Variants in FBXL22 observed in about 807,000 individuals in gnomAD.
The protein encoded by FBXL22 is F-box and leucine-rich protein 22.
A neutral mutation model predicts 11.7 loss-of-function variants in FBXL22; 13 were observed. That is an observed-to-expected ratio of 1.11 (90% CI 0.73 to 1.77). The LOEUF (loss-of-function observed/expected upper bound fraction) is 1.77, where lower values mean the gene tolerates loss of function less well. Among genes scored for constraint, FBXL22 ranks in the 40% most tolerant of loss-of-function variants. The pLI is 0.00. For missense variants in FBXL22, 406 were observed against 320.4 expected (o/e 1.27, Z -2.04); for synonymous variants, 160 against 144.1 (o/e 1.11, Z -0.79).
downstream of FBXL22, chr15:63,601,669 G>T: frequency 1.2e-6 from 2 of 1,608,072 alleles, no homozygotes; most frequent in Non-Finnish European, 1.7e-6. Context: ...TCCTGGGGCG[G>T]ATGCGTTCCC....
Position 63,601,208 on chromosome 15 carries a change from AT to A in FBXL22, c.*170del, listed in dbSNP as rs2152688866. 11 of 1,490,944 alleles carry A rather than the reference AT, an allele frequency of 7.4e-6. No individual in the cohort carries two copies. In the South Asian group the frequency reaches 8.0e-5, roughly 11 times the overall value. The allele number at this position is 1,490,944 out of a possible 1,614,324, so 92.4% of individuals were successfully genotyped here. ...CTCACGTTACGATTTTATACATAGG[AT>A]AAACGCAAGATTAAATGGATATTTG... On this transcript the variant is annotated 3_prime_UTR_variant, in exon 2 of 2. Coordinates refer to ENST00000638704, the MANE Select transcript of FBXL22 (RefSeq NM_001367807.1).
rs1334855891 is a variant in FBXL22 at position 63,597,900 on chromosome 15, G to A, written c.353+155G>A. The stretch of plus-strand genomic sequence containing the variant: ...AGACATCCAGACCGCCCAAAGCAGG[G>A]TCCCCAGGAGACAATAAAATCATGA... On this transcript the variant is annotated intron_variant, in intron 1 of 1. Transcript: ENST00000638704. The surrounding 1 kb of genome is among the most constrained non-coding windows in gnomAD (Gnocchi z 4.3). 6.6e-6 allele frequency among the ~76,000 whole-genome samples: 1 copy of A among 152,184 alleles called. No individual in the cohort carries two copies. Among genetic ancestry groups the A allele is most frequent in the African/African-American group, 2.4e-5 (1 of 41,458 alleles).
downstream of FBXL22, chr15:63,602,377 T>C (rs1356218786): frequency 1.3e-5 from 2 of 151,548 alleles, no homozygotes; most frequent in African/African-American, 2.4e-5. Context: ...GGTCAGGAGA[T>C]CGAGACCATC....
rs935872685 is a variant in FBXL22 at position 63,597,868 on chromosome 15, C to T, written c.353+123C>T. ...ACCTTCGGGGCGCCTCAAACTAGGC[C>T]CAAGGCAGACATCCAGACCGCCCAA... On this transcript the variant is annotated intron_variant, in intron 1 of 1. Transcript: ENST00000638704. This position sits in a 1 kb window ranked among gnomAD's most constrained non-coding sequence, Gnocchi z 4.3. The T allele has an allele frequency of 1.0e-5, 9 of 876,702 alleles. No homozygotes were observed. The highest frequency in any genetic ancestry group is 8.4e-5 in the African/African-American group (5 of 59,182). 54.3% of individuals were successfully genotyped at this position (876,702 alleles called of 1,614,324 possible).
At chr15:63,599,195 A>G in intron 1 of FBXL22, 2 of 1,535,478 alleles carry the variant, frequency 1.3e-6, no homozygotes, top group South Asian at 1.2e-5. Flanking sequence ...GGCACATAGT[A>G]GGTACTGATG....
chr15:63,598,436 G>A (rs2067308125), intron 1 of FBXL22, among the ~76,000 whole-genome samples: 1 of 152,164 alleles, frequency 6.6e-6, no homozygotes, highest in Non-Finnish European at 1.5e-5. Context: ...TACATCTTGT[G>A]TTTATCTGCT....
chr15:63,600,293 G>C (rs2067346206), intron 1 of FBXL22: 1 of 1,006,150 alleles, frequency 9.9e-7, no homozygotes, highest in Non-Finnish European at 1.2e-6. Context: ...GCCTCAGCTT[G>C]AAGCTAGACT....
At chr15:63,601,772 A>G, downstream of FBXL22, 1 of 1,422,342 alleles carries the variant, frequency 7.0e-7, no homozygotes, top group Non-Finnish European at 9.2e-7. Context: ...TACTGTTCTC[A>G]TAAGGGAAAA....
downstream of FBXL22, among the ~76,000 whole-genome samples, chr15:63,605,191 G>A (rs945376499): frequency 6.6e-6 from 1 of 152,234 alleles, no homozygotes; most frequent in African/African-American, 2.4e-5. Context: ...TATTGGCCAT[G>A]GGCTGGGCCA....
downstream of FBXL22, among the ~76,000 whole-genome samples, chr15:63,606,575 C>G (rs1566931929): frequency 1.3e-5 from 2 of 152,076 alleles, no homozygotes; most frequent in African/African-American, 4.8e-5. Flanking sequence ...CAAGAGAGGC[C>G]GGGCACAGTG....
chr15:63,600,813 C>T lies in FBXL22; in HGVS notation c.470C>T (p.Ala157Val). The T allele has an allele frequency of 8.1e-7, 1 of 1,230,932 alleles. No homozygotes were observed. The highest frequency in any genetic ancestry group is 1.0e-6 in the Non-Finnish European group (1 of 987,412). 76.3% of individuals were successfully genotyped at this position (1,230,932 alleles called of 1,614,324 possible). Residue 157 changes from alanine to valine, a missense_variant, in exon 2 of 2, where the codon GCG (alanine) becomes GTG (valine). Physicochemically the swap from Ala to Val is moderately conservative, Grantham distance 64 (BLOSUM62 0). Coordinates refer to ENST00000638704, the MANE Select transcript of FBXL22 (RefSeq NM_001367807.1). ...CGCGCACTGCGCCTGGAGAACTGCG[C>T]GCGCGTCACCAACCGCACGTTGGCT... Reference protein sequence around the residue: ...RLRALRLENCARVTNRTLAAV... With the variant: ...RLRALRLENCVRVTNRTLAAV...
rs552796236 is a variant in FBXL22 at position 63,601,009 on chromosome 15, C to A, written c.666C>A (p.Ala222=). The A allele has an allele frequency of 1.1e-4, 132 of 1,199,606 alleles. 1 individual carries two copies. The African/African-American group carries it at 1.8e-3, about 16-fold the overall frequency. The allele number at this position is 1,199,606 out of a possible 1,614,324, so 74.3% of individuals were successfully genotyped here. A position where few individuals can be genotyped will look rare whatever the true frequency, so the allele number is the denominator to read the frequency against. Residue 222 remains alanine, a synonymous_variant, in exon 2 of 2, where the codon GCC becomes GCA. Coordinates refer to ENST00000638704, the MANE Select transcript of FBXL22 (RefSeq NM_001367807.1). ...AGCCCCCGCGCCCGCGCGCGCCCGC[C>A]GCGGCCCTCGGCAAGCTGCTGCAGC... The part of the protein sequence containing the change: ...PDQPPRPRAP[A]AALGKLLQR
In FBXL22 at chr15:63,597,818, C is replaced by A; in HGVS notation, c.353+73C>A. The A allele has an allele frequency of 7.1e-7, 1 of 1,402,306 alleles. No individual in the cohort carries two copies. The highest frequency in any genetic ancestry group is 9.5e-7 in the Non-Finnish European group (1 of 1,049,252). 86.9% of individuals were successfully genotyped at this position (1,402,306 alleles called of 1,614,324 possible). On this transcript the variant is annotated intron_variant, in intron 1 of 1. Transcript: ENST00000638704. The surrounding 1 kb of genome is among the most constrained non-coding windows in gnomAD (Gnocchi z 4.3). Reference sequence around the variant, plus strand: ...TTCCCTCTTGGGGGGCAGGGAAGAGCAAATTACGAGACCAAGATGGCTCCA... The same window carrying A: ...TTCCCTCTTGGGGGGCAGGGAAGAGAAAATTACGAGACCAAGATGGCTCCA...
chr15:63,598,460 GAC>G (rs1293305847), intron 1 of FBXL22, among the ~76,000 whole-genome samples: 1 of 152,126 alleles, frequency 6.6e-6, no homozygotes, highest in Non-Finnish European at 1.5e-5. Flanking sequence ...CCCCACCCCA[GAC>G]ACAGACATAG....
chr15:63,605,809 C>G (rs1401340435), downstream of FBXL22, among the ~76,000 whole-genome samples: 3 of 152,226 alleles, frequency 2.0e-5, no homozygotes, highest in African/African-American at 7.2e-5. Flanking sequence ...GAGAACAGAA[C>G]CTCACCACTG....
At chr15:63,607,679 T>C in the FBXL22 span, among the ~76,000 whole-genome samples, 1 of 152,260 alleles carries the variant, frequency 6.6e-6, no homozygotes, top group Non-Finnish European at 1.5e-5. Flanking sequence ...ATCTTCCTTG[T>C]GGAAAATAAC....
downstream of FBXL22, chr15:63,601,455 C>T: frequency 6.4e-7 from 1 of 1,570,264 alleles, no homozygotes. Context: ...CTGCCGCGCG[C>T]AGGGGTCTGG....
Position 63,600,797 on chromosome 15 carries a change from C to T in FBXL22, c.454C>T (p.Arg152Cys). Reference protein sequence around the residue: ...LRCCPRLRALRLENCARVTNR... With the variant: ...LRCCPRLRALCLENCARVTNR... ...CTGCTGCCCACGCCTGCGCGCACTGCGCCTGGAGAACTGCGCGCGCGTCAC... is the reference window on the plus strand; with the variant it reads ...CTGCTGCCCACGCCTGCGCGCACTGTGCCTGGAGAACTGCGCGCGCGTCAC... The change falls in exon 2 of 2, where the codon CGC (arginine) becomes TGC (cysteine). Residue 152 changes from arginine (R) to cysteine (C), a missense_variant. Arg to Cys is a radical substitution (Grantham distance 180). Coordinates refer to ENST00000638704, the MANE Select transcript of FBXL22 (RefSeq NM_001367807.1). 8.1e-7 allele frequency: 1 copy of T among 1,231,138 alleles called. No individual in the cohort carries two copies. The highest frequency in any genetic ancestry group is 1.0e-6 in the Non-Finnish European group (1 of 987,550). The allele number at this position is 1,231,138 out of a possible 1,614,324, so 76.3% of individuals were successfully genotyped here.
At chr15:63,601,810 C>A, downstream of FBXL22, 1 of 1,342,836 alleles carries the variant, frequency 7.4e-7, no homozygotes, top group Non-Finnish European at 9.7e-7. Flanking sequence ...AAAAAAAAGC[C>A]TCAAACTAAA....
Sources: allele counts gnomAD v4.1 joint callset (sites outside exome capture counted in the v4.1 genomes callset), GRCh38; gene constraint gnomAD v4.1.1; non-coding constraint Gnocchi (gnomAD v3.1); transcripts MANE v1.5; gene names NCBI Gene and HGNC (gene_info 2026-07-23, HGNC 2026-07-21).